The following SEMA3C variants were observed in gnomAD, a reference collection of about 807,000 sequenced individuals.
SEMA3C encodes semaphorin-3C.
In SEMA3C, 47 loss-of-function variants were observed where a neutral mutation model predicts 89.4. The ratio of observed to expected loss-of-function variants is 0.53; its 90% CI spans 0.42 to 0.67. The LOEUF (loss-of-function observed/expected upper bound fraction) is 0.67, where lower values mean the gene tolerates loss of function less well. SEMA3C is among the 30% of genes least tolerant of loss of function. The pLI is 0.00. For synonymous variants in SEMA3C, 310 were observed against 320.2 expected, an observed-to-expected ratio of 0.97 and a Z score of 0.34; for missense variants, 839 against 929.1, an observed-to-expected ratio of 0.90 and a Z score of 1.26.
intron 17 of SEMA3C, among the ~76,000 whole-genome samples, chr7:80,747,946 G>A (rs1055040231): frequency 7.9e-5 from 12 of 152,066 alleles, no homozygotes; most frequent in African/African-American, 2.4e-4. Context: ...TTTTCCATAT[G>A]AAACCAACAT....
chr7:80,830,861 T>G (rs778361941), intron 2 of SEMA3C, among the ~76,000 whole-genome samples: 25 of 152,034 alleles, frequency 1.6e-4, no homozygotes, highest in Non-Finnish European at 3.2e-4. Context: ...GAGGGAAGTC[T>G]TTCAGGAAAA....
intron 15 of SEMA3C, among the ~76,000 whole-genome samples, chr7:80,753,030 A>C (rs1787972994): frequency 6.6e-6 from 1 of 152,238 alleles, no homozygotes; most frequent in Non-Finnish European, 1.5e-5. Flanking sequence ...GATAGTGAAA[A>C]AAAGCTCATT....
Position 80,804,256 on chromosome 7 carries a change from A to G in SEMA3C, c.659-8T>C, listed in dbSNP as rs762747068. On this transcript the variant is annotated splice_polypyrimidine_tract_variant and splice_region_variant and intron_variant, in intron 7 of 17. Transcript: ENST00000265361. The stretch of plus-strand genomic sequence containing the variant: ...CATCTACAAACATAGGTTCTAGAAA[A>G]AAAGGTAAAAGACTAGGTATATATT... The G allele has an allele frequency of 1.3e-6, 2 of 1,578,882 alleles. No individual in the cohort carries two copies. Among genetic ancestry groups the G allele is most frequent in the Non-Finnish European group, 1.7e-6 (2 of 1,162,326 alleles).
At chr7:80,867,056 C>T (rs1030159965) in intron 2 of SEMA3C, among the ~76,000 whole-genome samples, 3 of 152,110 alleles carry the variant, frequency 2.0e-5, no homozygotes, top group African/African-American at 7.2e-5. Flanking sequence ...TTGGGATAAT[C>T]CCTATTTGGA....
At chr7:80,788,176 C>A (rs1479249056) in intron 12 of SEMA3C, among the ~76,000 whole-genome samples, 1 of 152,142 alleles carries the variant, frequency 6.6e-6, no homozygotes, top group Non-Finnish European at 1.5e-5. Context: ...AACACATATT[C>A]CACCACTGCC....
intron 12 of SEMA3C, among the ~76,000 whole-genome samples, chr7:80,784,620 G>GT (rs1292739873): frequency 6.6e-6 from 1 of 151,914 alleles, no homozygotes; most frequent in East Asian, 1.9e-4. Flanking sequence ...AACTTTTTCT[G>GT]TAAAAGGCCA....
chr7:80,886,888 A>T (rs1418913276), intron 2 of SEMA3C, among the ~76,000 whole-genome samples: 1 of 152,200 alleles, frequency 6.6e-6, no homozygotes, highest in Admixed American at 6.6e-5. Flanking sequence ...TTTTTAAATA[A>T]CAAGACCAGT....
rs1016943046 is a variant in SEMA3C, at chr7:80,753,279, C to T, written c.1644-1943G>A. Among the ~76,000 whole-genome samples, 7 of 152,148 alleles carry T rather than the reference C, an allele frequency of 4.6e-5. No homozygotes were observed. The East Asian group carries it at 1.2e-3, about 25-fold the overall frequency. On this transcript the variant is annotated intron_variant, in intron 15 of 17. Coordinates refer to ENST00000265361, the MANE Select transcript of SEMA3C (RefSeq NM_006379.5). Reference sequence around the variant, plus strand: ...TAGCTCGCATATCAAGTTTTTACTGCATAACATTTGCTATATTTTGAAGTC... The same window carrying T: ...TAGCTCGCATATCAAGTTTTTACTGTATAACATTTGCTATATTTTGAAGTC...
intron 2 of SEMA3C, among the ~76,000 whole-genome samples, chr7:80,851,988 G>C (rs997647216): frequency 6.6e-5 from 10 of 152,102 alleles, no homozygotes; most frequent in African/African-American, 1.9e-4. Context: ...GTTTTGGTTT[G>C]TTTTTCCACA....
chr7:80,853,364 T>A (rs1790562075), intron 2 of SEMA3C, among the ~76,000 whole-genome samples: 1 of 152,156 alleles, frequency 6.6e-6, no homozygotes. Flanking sequence ...TTGAAAGGAA[T>A]CCAAGTGTCC....
At position 80,789,525 on chromosome 7, in the gene SEMA3C, G is replaced by T; in HGVS notation, c.1135C>A (p.Pro379Thr). The T allele has an allele frequency of 1.3e-6, 2 of 1,590,880 alleles. No individual in the cohort carries two copies. The highest frequency in any genetic ancestry group is 1.7e-6 in the Non-Finnish European group (2 of 1,169,998). ...RIPYPRPGTCPGGAFTPNMRT... is the reference protein window; with the variant it reads ...RIPYPRPGTCTGGAFTPNMRT... ...ATATTGGGTGTAAATGCTCCTCCTG[G>T]ACACTAGAAAGAAAGTTTTAAAGAA... The change falls in exon 12 of 18, where the codon CCA (proline) becomes ACA (threonine). Residue 379 changes from proline to threonine, a missense_variant. Physicochemically the swap from Pro to Thr is conservative, Grantham distance 38 (BLOSUM62 -1). Coordinates refer to ENST00000265361, the MANE Select transcript of SEMA3C (RefSeq NM_006379.5).
chr7:80,800,869 C>G (rs755139259), intron 9 of SEMA3C, 43 bp from the exon 10 acceptor site: 1 of 1,340,462 alleles, frequency 7.5e-7, no homozygotes, highest in African/African-American at 1.5e-5. Flanking sequence ...TAAATATTAA[C>G]TTCTTTGTTT....
chr7:80,765,810 CT>C (rs1425392762), intron 12 of SEMA3C, among the ~76,000 whole-genome samples: 1 of 152,126 alleles, frequency 6.6e-6, no homozygotes, highest in Non-Finnish European at 1.5e-5. Context: ...ATCTCCTGAT[CT>C]CATGATGCGC....
intron 5 of SEMA3C, among the ~76,000 whole-genome samples, chr7:80,811,824 T>A (rs1181438904): frequency 6.6e-6 from 1 of 152,158 alleles, no homozygotes; most frequent in African/African-American, 2.4e-5. Context: ...GGTAATAATC[T>A]GACATGGCAT....
In SEMA3C at chr7:80,744,969, C is replaced by T. The variant is rs1446760033; in HGVS notation, c.2181G>A (p.Gly727=). ...QQGDESQKMR[G]DYGKLKALIN... ...TGAGGGCCTTTAACTTGCCATAGTC[C>T]CCTCTCATTTTCTGTGATTCATCTC... is the stretch of plus-strand genomic sequence containing the variant. The change falls in exon 18 of 18, where the codon GGG becomes GGA. Residue 727 remains glycine, a synonymous_variant. Coordinates refer to ENST00000265361, the MANE Select transcript of SEMA3C (RefSeq NM_006379.5). 6.8e-6 allele frequency: 11 copies of T among 1,613,882 alleles called. No homozygotes were observed. Among genetic ancestry groups the T allele is most frequent in the Non-Finnish European group, 9.3e-6 (11 of 1,179,964 alleles).
intron 4 of SEMA3C, among the ~76,000 whole-genome samples, chr7:80,822,195 G>A (rs193294013): frequency 9.2e-5 from 14 of 152,188 alleles, no homozygotes; most frequent in Admixed American, 7.8e-4. Context: ...AGAGCATAAT[G>A]TATCAGGCTG....
intron 6 of SEMA3C, 33 bp downstream of exon 6, chr7:80,810,578 T>G (rs1583899467): frequency 6.5e-7 from 1 of 1,550,062 alleles, no homozygotes; most frequent in East Asian, 2.2e-5. Context: ...TGTTATTTTA[T>G]GTTTAATCCT....
intron 16 of SEMA3C, 68 bp from the exon 17 acceptor site, chr7:80,749,096 G>A: frequency 6.8e-7 from 1 of 1,464,572 alleles, no homozygotes; most frequent in Non-Finnish European, 9.1e-7. Context: ...ACATTCTCCT[G>A]TAGAAATGCT....
At chr7:80,834,624 C>T (rs1225938517) in intron 2 of SEMA3C, among the ~76,000 whole-genome samples, 3 of 152,072 alleles carry the variant, frequency 2.0e-5, no homozygotes, top group Admixed American at 6.6e-5. Context: ...AACTAAGTCA[C>T]GAAGAATCTC....
Sources: allele counts gnomAD v4.1 joint callset (sites outside exome capture counted in the v4.1 genomes callset), GRCh38; gene constraint gnomAD v4.1.1; transcripts MANE v1.5; gene names NCBI Gene and HGNC (gene_info 2026-07-23, HGNC 2026-07-21).